Variants in SPOPL observed in about 807,000 individuals in gnomAD.
SPOPL encodes speckle type BTB/POZ protein like.
A neutral mutation model predicts 53.8 loss-of-function variants in SPOPL; 23 were observed. That is an observed-to-expected ratio of 0.43 (90% CI 0.31 to 0.61). The LOEUF (loss-of-function observed/expected upper bound fraction) is 0.61, where lower values mean the gene tolerates loss of function less well. Among genes scored for constraint, SPOPL ranks in the 20% least tolerant of loss-of-function variants. SPOPL has a pLI of 0.12. For synonymous variants in SPOPL, 164 were observed against 149.7 expected (o/e 1.10, Z -0.70); for missense variants, 442 against 466.9 (o/e 0.95, Z 0.49).
intron 7 of SPOPL, among the ~76,000 whole-genome samples, chr2:138,559,784 T>C (rs866309170): frequency 3.9e-4 from 60 of 152,202 alleles, no homozygotes; most frequent in African/African-American, 1.4e-3. Flanking sequence ...CTTCCCCAGA[T>C]GTTTCTCTTT....
chr2:138,558,091 G>A (rs1415017868), intron 5 of SPOPL, among the ~76,000 whole-genome samples: 1 of 152,044 alleles, frequency 6.6e-6, no homozygotes, highest in African/African-American at 2.4e-5. Context: ...AACCCAGGAG[G>A]CAGCGGTTGC....
At chr2:138,566,774 A>T (rs1260075711) in intron 10 of SPOPL, among the ~76,000 whole-genome samples, 2 of 152,192 alleles carry the variant, frequency 1.3e-5, no homozygotes, top group Non-Finnish European at 2.9e-5. Flanking sequence ...TGGTCTTGGG[A>T]AAGTTATCTA....
chr2:138,559,417 A>C (rs974387627), intron 7 of SPOPL, 80 bp downstream of exon 7: 5 of 1,398,854 alleles, frequency 3.6e-6, no homozygotes, highest in Non-Finnish European at 4.8e-6. Context: ...TAATAGTACA[A>C]TGTTCTCATT....
At chr2:138,528,491 T>A (rs1684726651) in intron 1 of SPOPL, among the ~76,000 whole-genome samples, 1 of 152,222 alleles carries the variant, frequency 6.6e-6, no homozygotes, top group African/African-American at 2.4e-5. Context: ...TATTGGTTTA[T>A]TTTTTTGTAA....
At chr2:138,515,882 C>T (rs1422215593) in intron 1 of SPOPL, among the ~76,000 whole-genome samples, 1 of 152,158 alleles carries the variant, frequency 6.6e-6, no homozygotes, top group Non-Finnish European at 1.5e-5. Context: ...TAAGGTAGAG[C>T]AGCCATTTGG....
intron 10 of SPOPL, among the ~76,000 whole-genome samples, chr2:138,566,754 G>A (rs1012404261): frequency 1.6e-4 from 25 of 152,054 alleles, no homozygotes; most frequent in African/African-American, 6.0e-4. Context: ...AAATTTCAAG[G>A]GAAAATTCTT....
Position 138,551,142 on chromosome 2 carries a change from CTT to C in SPOPL, c.352+93_352+94del. On this transcript the variant is annotated intron_variant, in intron 4 of 10. Transcript: ENST00000280098. ...CACCTTTACCTAGAAAAGTCTGGGA[CTT>C]TTTTCTGCTAAAATCTGCTTAACCT... 1.0e-5 allele frequency: 15 copies of C among 1,438,916 alleles called. No individual in the cohort carries two copies. The South Asian group carries it at 2.0e-4, about 19-fold the overall frequency. 89.1% of individuals were successfully genotyped at this position (1,438,916 alleles called of 1,614,324 possible).
intron 5 of SPOPL, chr2:138,554,596 A>G (rs1573903224): frequency 9.2e-7 from 1 of 1,089,644 alleles, no homozygotes; most frequent in South Asian, 1.6e-5. Context: ...CAAGTTCCCT[A>G]CAGTGGTTAA....
chr2:138,510,459 A>G (rs903325698), intron 1 of SPOPL, among the ~76,000 whole-genome samples: 6 of 152,158 alleles, frequency 3.9e-5, no homozygotes, highest in South Asian at 4.1e-4. Context: ...GTTGAGTTCA[A>G]ACTTGTCCTT....
In SPOPL at chr2:138,569,278, C is replaced by G; in HGVS notation, c.*198C>G. On this transcript the variant is annotated 3_prime_UTR_variant, in exon 11 of 11. Coordinates refer to ENST00000280098, the MANE Select transcript of SPOPL (RefSeq NM_001001664.3). ...GCTTTAAATTAGACTGATTAATTCA[C>G]TTCAAGGCCTTAAATTATCTTCAAT... 1 of 536,104 alleles carries G rather than the reference C, an allele frequency of 1.9e-6. No individual in the cohort carries two copies. 33.2% of individuals were successfully genotyped at this position (536,104 alleles called of 1,614,324 possible). A position where few individuals can be genotyped will look rare whatever the true frequency, so the allele number is the denominator to read the frequency against.
chr2:138,526,890 T>C (rs1390017174), intron 1 of SPOPL, among the ~76,000 whole-genome samples: 2 of 152,088 alleles, frequency 1.3e-5, no homozygotes, highest in Non-Finnish European at 2.9e-5. Context: ...CACACCCGGC[T>C]AATTTTTGTG....
intron 1 of SPOPL, among the ~76,000 whole-genome samples, chr2:138,531,751 T>C (rs372343889): frequency 2.0e-5 from 3 of 151,916 alleles, no homozygotes; most frequent in African/African-American, 7.2e-5. Flanking sequence ...TTGATTCTTT[T>C]AAAATTAAAT....
At chr2:138,534,145 G>A (rs1684876672) in intron 1 of SPOPL, among the ~76,000 whole-genome samples, 1 of 152,010 alleles carries the variant, frequency 6.6e-6, no homozygotes, top group South Asian at 2.1e-4. Context: ...TAAAAATAAC[G>A]ATTAGTACTT....
chr2:138,533,397 C>T (rs1421487337), intron 1 of SPOPL, among the ~76,000 whole-genome samples: 2 of 152,088 alleles, frequency 1.3e-5, no homozygotes. Context: ...CTCATATTAT[C>T]ATATTCAAAA....
At chr2:138,506,997 A>T (rs942644985) in intron 1 of SPOPL, among the ~76,000 whole-genome samples, 3 of 152,198 alleles carry the variant, frequency 2.0e-5, no homozygotes, top group African/African-American at 4.8e-5. Flanking sequence ...TGTTGGTATC[A>T]CTGAAGCCAA....
intron 1 of SPOPL, among the ~76,000 whole-genome samples, chr2:138,508,610 CT>C (rs1684263795): frequency 6.6e-6 from 1 of 152,114 alleles, no homozygotes; most frequent in Admixed American, 6.5e-5. Flanking sequence ...GGATTATAGG[CT>C]GAGCCACTGG....
intron 1 of SPOPL, among the ~76,000 whole-genome samples, chr2:138,525,342 AT>A (rs900313193): frequency 7.2e-5 from 11 of 152,120 alleles, no homozygotes; most frequent in Admixed American, 2.0e-4. Flanking sequence ...CCCACAACAC[AT>A]GGGAACTATG....
chr2:138,515,212 A>T (rs925860802), intron 1 of SPOPL, among the ~76,000 whole-genome samples: 4 of 152,226 alleles, frequency 2.6e-5, no homozygotes, highest in Admixed American at 6.5e-5. Flanking sequence ...GATGAGTTTT[A>T]AGATTTTGCA....
chr2:138,573,461 A>G lies in SPOPL; in HGVS notation c.*4381A>G, dbSNP rs1685828286. 1 of 152,214 alleles carries G rather than the reference A, an allele frequency of 6.6e-6. No individual in the cohort carries two copies. The highest frequency in any genetic ancestry group is 6.5e-5 in the Admixed American group (1 of 15,272). The allele number at this position is 152,214 out of a possible 1,614,324, so 9.4% of individuals were successfully genotyped here. A position where few individuals can be genotyped will look rare whatever the true frequency, so the allele number is the denominator to read the frequency against. ...ATGAACCATCAATACTGGATGACTT[A>G]TTCTAATGCTACGTACCATTAATGT... On this transcript the variant is annotated 3_prime_UTR_variant, in exon 11 of 11. Coordinates refer to ENST00000280098, the MANE Select transcript of SPOPL (RefSeq NM_001001664.3).
Sources: gnomAD v4.1 joint callset for allele counts (sites outside exome capture counted in the v4.1 genomes callset) on GRCh38, gnomAD v4.1.1 for gene constraint, MANE v1.5 for transcripts, NCBI Gene and HGNC (gene_info 2026-07-23, HGNC 2026-07-21) for gene names.